PLPPR1: variants seen among roughly 807,000 people sequenced by gnomAD.
PLPPR1 encodes the protein phospholipid phosphatase related 1, also known as phospholipid phosphatase-related protein type 1.
A neutral mutation model predicts 33.1 loss-of-function variants in PLPPR1; 10 were observed. That is an observed-to-expected ratio of 0.30 (90% CI 0.19 to 0.51). PLPPR1 has a LOEUF of 0.51. Ranked by LOEUF, PLPPR1 falls within the 20% of genes least tolerant of loss-of-function variation. PLPPR1 has a pLI of 0.97. For synonymous variants in PLPPR1, 151 were observed against 151.0 expected (o/e 1.00, Z 0.00); for missense variants, 304 against 408.1 (o/e 0.74, Z 2.20).
intron 3 of PLPPR1, among the ~76,000 whole-genome samples, chr9:101,274,518 T>A (rs1198221754): frequency 6.6e-6 from 1 of 152,236 alleles, no homozygotes; most frequent in Non-Finnish European, 1.5e-5. Context: ...CTTGCTACCC[T>A]GCTAATGGCG....
intron 1 of PLPPR1, among the ~76,000 whole-genome samples, chr9:101,097,941 G>A (rs1033931049): frequency 2.6e-5 from 4 of 152,174 alleles, no homozygotes; most frequent in Non-Finnish European, 5.9e-5. Context: ...GAAAATACGA[G>A]GAGTAGAGAA....
At chr9:101,244,027 A>G (rs755963834) in intron 2 of PLPPR1, among the ~76,000 whole-genome samples, 7 of 151,916 alleles carry the variant, frequency 4.6e-5, no homozygotes, top group Non-Finnish European at 8.8e-5. Context: ...CTAGGAAAAT[A>G]ACCCCAAAAA....
At chr9:101,180,917 G>A (rs538913653) in intron 1 of PLPPR1, among the ~76,000 whole-genome samples, 5 of 151,682 alleles carry the variant, frequency 3.3e-5, no homozygotes, top group Non-Finnish European at 7.4e-5. Context: ...GCTCTGCACA[G>A]CAAATGAAAC....
At chr9:101,130,516 T>A (rs1831301515) in intron 1 of PLPPR1, among the ~76,000 whole-genome samples, 1 of 152,230 alleles carries the variant, frequency 6.6e-6, no homozygotes, top group Non-Finnish European at 1.5e-5. Flanking sequence ...TAGCTATCAC[T>A]ATTAGATACA....
intron 2 of PLPPR1, among the ~76,000 whole-genome samples, chr9:101,196,285 G>A (rs1401724342): frequency 6.6e-6 from 1 of 152,166 alleles, no homozygotes; most frequent in African/African-American, 2.4e-5. Flanking sequence ...TAGGAAGTCT[G>A]CTTTTAAGAG....
At chr9:101,241,337 CT>C (rs1564012969) in intron 2 of PLPPR1, among the ~76,000 whole-genome samples, 1 of 152,034 alleles carries the variant, frequency 6.6e-6, no homozygotes, top group Non-Finnish European at 1.5e-5. Flanking sequence ...GGTGTCCAGT[CT>C]TTTGGCTTCC....
chr9:101,168,095 C>G (rs1825886851), intron 1 of PLPPR1, among the ~76,000 whole-genome samples: 1 of 152,162 alleles, frequency 6.6e-6, no homozygotes, highest in Non-Finnish European at 1.5e-5. Context: ...CCAGATCCCT[C>G]CTACAACACA....
chr9:101,152,638 T>C lies in PLPPR1; in HGVS notation c.-45-32812T>C, dbSNP rs61426611. 3.8e-3 allele frequency among the ~76,000 whole-genome samples: 579 copies of C among 152,190 alleles called. 1 individual carries two copies. The highest frequency in any genetic ancestry group is 0.012 in the African/African-American group (495 of 41,542). On this transcript the variant is annotated intron_variant, in intron 1 of 7. Transcript: ENST00000374874. ...ATATGGCTAGCCAGTTTTCCCAGCA[T>C]CATTTATTAGATAGGGAATCCTTTC... is the stretch of plus-strand genomic sequence containing the variant.
At chr9:101,031,848 C>T (rs115216935) in intron 1 of PLPPR1, among the ~76,000 whole-genome samples, 2,415 of 152,234 alleles carry the variant, frequency 0.016, 61 homozygotes, top group African/African-American at 0.054. Flanking sequence ...TAAGCCATCT[C>T]ATGTGGTTAG....
chr9:101,118,238 A>T (rs1048785190), intron 1 of PLPPR1, among the ~76,000 whole-genome samples: 1 of 152,192 alleles, frequency 6.6e-6, no homozygotes, highest in African/African-American at 2.4e-5. Flanking sequence ...GATGGGACAT[A>T]GGTGTTGCCT....
intron 1 of PLPPR1, among the ~76,000 whole-genome samples, chr9:101,111,196 T>C (rs879435782): frequency 6.6e-6 from 1 of 152,144 alleles, no homozygotes; most frequent in Non-Finnish European, 1.5e-5. Flanking sequence ...CTATGTTTCC[T>C]AAGTACTCTC....
intron 1 of PLPPR1, among the ~76,000 whole-genome samples, chr9:101,072,477 G>A (rs1830492678): frequency 6.6e-6 from 1 of 152,294 alleles, no homozygotes; most frequent in African/African-American, 2.4e-5. Flanking sequence ...GGGACGTGTA[G>A]TCTAGCTGTG....
At chr9:101,288,587 C>T (rs1281298722) in intron 4 of PLPPR1, among the ~76,000 whole-genome samples, 1 of 152,084 alleles carries the variant, frequency 6.6e-6, no homozygotes, top group Non-Finnish European at 1.5e-5. Flanking sequence ...AAAAAAAGCA[C>T]TTCCTTCACG....
At chr9:101,136,320 A>G (rs1488280390) in intron 1 of PLPPR1, among the ~76,000 whole-genome samples, 3 of 152,228 alleles carry the variant, frequency 2.0e-5, no homozygotes, top group Non-Finnish European at 4.4e-5. Context: ...TTATGCGGTC[A>G]GTATTAGAGT....
intron 2 of PLPPR1, among the ~76,000 whole-genome samples, chr9:101,268,216 C>T (rs993870951): frequency 1.3e-5 from 2 of 149,952 alleles, no homozygotes; most frequent in Admixed American, 1.3e-4. Flanking sequence ...CAAACCTGCA[C>T]ATTGTGCACA....
chr9:101,228,415 C>T (rs890345778), intron 2 of PLPPR1, among the ~76,000 whole-genome samples: 2 of 152,114 alleles, frequency 1.3e-5, no homozygotes, highest in Non-Finnish European at 2.9e-5. Context: ...TTCTTTAATT[C>T]CTTCACCTGT....
chr9:101,136,252 T>C (rs1831375928), intron 1 of PLPPR1, among the ~76,000 whole-genome samples: 1 of 152,226 alleles, frequency 6.6e-6, no homozygotes, highest in Non-Finnish European at 1.5e-5. Flanking sequence ...ATACTACTTG[T>C]ATGTTGCAAA....
intron 1 of PLPPR1, among the ~76,000 whole-genome samples, chr9:101,112,198 C>T (rs1190604968): frequency 6.6e-6 from 1 of 152,150 alleles, no homozygotes; most frequent in Non-Finnish European, 1.5e-5. Context: ...AAAAATTATT[C>T]ATGGTGGTGA....
intron 1 of PLPPR1, among the ~76,000 whole-genome samples, chr9:101,081,278 C>T (rs1280429077): frequency 2.6e-5 from 4 of 151,946 alleles, no homozygotes; most frequent in Non-Finnish European, 4.4e-5. Flanking sequence ...TGCAGTGGTG[C>T]GATCTCGCCT....
Sources: gnomAD v4.1 joint callset for allele counts (sites outside exome capture counted in the v4.1 genomes callset) on GRCh38, gnomAD v4.1.1 for gene constraint, MANE v1.5 for transcripts, NCBI Gene and HGNC (gene_info 2026-07-23, HGNC 2026-07-21) for gene names.